JPH1: variants seen among roughly 807,000 people sequenced by gnomAD.
JPH1 encodes the protein junctophilin 1.
Under a neutral mutation model 53.6 loss-of-function variants are expected in JPH1, and 12 were observed. The observed-to-expected ratio is 0.22, with a 90% CI of 0.14 to 0.36. JPH1 has a LOEUF of 0.36. Ranked by LOEUF, JPH1 falls within the 10% of genes least tolerant of loss-of-function variation. The pLI is 1.00. For missense variants in JPH1, 808 were observed against 905.5 expected (o/e 0.89, Z 1.38); for synonymous variants, 375 against 363.8 (o/e 1.03, Z -0.35).
intron 3 of JPH1, among the ~76,000 whole-genome samples, chr8:74,247,692 A>G (rs1805896853): frequency 6.6e-6 from 1 of 152,188 alleles, no homozygotes; most frequent in African/African-American, 2.4e-5. Flanking sequence ...CACTTAGAAG[A>G]TGTAAGACCA....
chr8:74,268,129 G>A (rs759367833), intron 2 of JPH1, among the ~76,000 whole-genome samples: 6 of 151,976 alleles, frequency 3.9e-5, no homozygotes, highest in Non-Finnish European at 8.8e-5. Context: ...GGATGAGGAC[G>A]GATTTATATG....
intron 2 of JPH1, among the ~76,000 whole-genome samples, chr8:74,298,286 C>A (rs904228017): frequency 2.3e-4 from 35 of 152,322 alleles, no homozygotes; most frequent in African/African-American, 7.9e-4. Flanking sequence ...ATTGTACTCA[C>A]ATCCTTAGAA....
rs1365674124 is a variant in JPH1, at chr8:74,315,774, C to G, written c.380-154G>C. On this transcript the variant is annotated intron_variant, in intron 1 of 5. Coordinates refer to ENST00000342232, the MANE Select transcript of JPH1 (RefSeq NM_020647.4). This position sits in a 1 kb window ranked among gnomAD's most constrained non-coding sequence, Gnocchi z 6.3. The stretch of plus-strand genomic sequence containing the variant: ...GATACTTTGCATCCACTTGTGAATC[C>G]CCGCCCTGTAATTTTGGGTGTAAGG... 6.6e-6 allele frequency among the ~76,000 whole-genome samples: 1 copy of G among 152,200 alleles called. No homozygotes were observed. Among genetic ancestry groups the G allele is most frequent in the Non-Finnish European group, 1.5e-5 (1 of 68,038 alleles).
intron 2 of JPH1, among the ~76,000 whole-genome samples, chr8:74,296,626 T>G (rs1807530034): frequency 6.6e-6 from 1 of 152,220 alleles, no homozygotes; most frequent in Admixed American, 6.5e-5. Flanking sequence ...CAAAGCCTAT[T>G]TTAAATTCTT....
At chr8:74,294,673 T>C (rs555664957) in intron 2 of JPH1, among the ~76,000 whole-genome samples, 1 of 152,336 alleles carries the variant, frequency 6.6e-6, no homozygotes, top group East Asian at 1.9e-4. Flanking sequence ...TCCTGAAGGA[T>C]AGAGTCCGTA....
intron 2 of JPH1, 97 bp downstream of exon 2, chr8:74,314,764 G>T: frequency 7.4e-7 from 1 of 1,348,984 alleles, no homozygotes; most frequent in Non-Finnish European, 1.0e-6. Flanking sequence ...GTTGTAGAAA[G>T]CATTTAGCGA....
At chr8:74,257,237 C>T (rs1051217103) in intron 3 of JPH1, among the ~76,000 whole-genome samples, 7 of 152,200 alleles carry the variant, frequency 4.6e-5, no homozygotes, top group Non-Finnish European at 8.8e-5. Context: ...TCATTCCTGA[C>T]GGACAACTTG....
intron 2 of JPH1, among the ~76,000 whole-genome samples, chr8:74,300,312 A>G (rs1235164667): frequency 1.3e-5 from 2 of 152,246 alleles, no homozygotes; most frequent in African/African-American, 2.4e-5. Context: ...CTAATAAACA[A>G]ATACGGGACT....
At chr8:74,294,649 C>G (rs1177956864) in intron 2 of JPH1, among the ~76,000 whole-genome samples, 2 of 152,210 alleles carry the variant, frequency 1.3e-5, no homozygotes, top group Non-Finnish European at 2.9e-5. Flanking sequence ...TCATCTGTCT[C>G]TTGGTTATAA....
At chr8:74,284,149 C>G (rs1022960079) in intron 2 of JPH1, among the ~76,000 whole-genome samples, 14 of 152,318 alleles carry the variant, frequency 9.2e-5, no homozygotes, top group South Asian at 2.1e-4. Flanking sequence ...TAAACAAACT[C>G]TCTATTGACA....
intron 4 of JPH1, among the ~76,000 whole-genome samples, chr8:74,239,166 G>C (rs1805623384): frequency 6.6e-6 from 1 of 152,138 alleles, no homozygotes; most frequent in African/African-American, 2.4e-5. Flanking sequence ...ATGCTGGGCA[G>C]TGGGTTAAAC....
intron 2 of JPH1, among the ~76,000 whole-genome samples, chr8:74,285,139 A>C (rs1807125848): frequency 6.6e-6 from 1 of 151,804 alleles, no homozygotes; most frequent in Non-Finnish European, 1.5e-5. Flanking sequence ...TACTATTTCT[A>C]ACTGGAGATT....
At chr8:74,296,265 A>G (rs924634556) in intron 2 of JPH1, among the ~76,000 whole-genome samples, 3 of 152,200 alleles carry the variant, frequency 2.0e-5, no homozygotes, top group Non-Finnish European at 2.9e-5. Context: ...TAATAAGCAT[A>G]AAGTAAGCCA....
In JPH1 at chr8:74,315,259, T is replaced by A. The variant is rs544602174; in HGVS notation, c.741A>T (p.Arg247Ser). Residue 247 changes from arginine to serine, a missense_variant, in exon 2 of 6, where the codon AGA (arginine) becomes AGT (serine). Transcript: ENST00000342232. This position sits in a 1 kb window ranked among gnomAD's most constrained non-coding sequence, Gnocchi z 6.3. Reference protein sequence around the residue: ...SSVRSDAAMSRISSSDANSTI... With the variant: ...SSVRSDAAMSSISSSDANSTI... Reference sequence around the variant, plus strand: ...TGGAGTTGGCATCGCTGGAACTAATTCTGCTCATGGCCGCGTCGCTGCGGA... The same window carrying A: ...TGGAGTTGGCATCGCTGGAACTAATACTGCTCATGGCCGCGTCGCTGCGGA... 4 of 1,614,184 alleles carry A rather than the reference T, an allele frequency of 2.5e-6. No individual in the cohort carries two copies. The South Asian group carries it at 4.4e-5, about 18-fold the overall frequency.
At position 74,320,889 on chromosome 8, in the gene JPH1, C is replaced by A; in HGVS notation, c.379+20G>T. ...CGCACCAGCTCGCGGAGCAGCCGAGCCGCCCGTTACGCCGCTCACCTCCGT... is the reference window on the plus strand; with the variant it reads ...CGCACCAGCTCGCGGAGCAGCCGAGACGCCCGTTACGCCGCTCACCTCCGT... On this transcript the variant is annotated intron_variant, in intron 1 of 5. Coordinates refer to ENST00000342232, the MANE Select transcript of JPH1 (RefSeq NM_020647.4). The surrounding 1 kb of genome is among the most constrained non-coding windows in gnomAD (Gnocchi z 4.4). The A allele has an allele frequency of 6.7e-7, 1 of 1,496,222 alleles. No homozygotes were observed. The highest frequency in any genetic ancestry group is 8.9e-7 in the Non-Finnish European group (1 of 1,123,468). 92.7% of individuals were successfully genotyped at this position (1,496,222 alleles called of 1,614,324 possible). A position where few individuals can be genotyped will look rare whatever the true frequency, so the allele number is the denominator to read the frequency against.
At chr8:74,292,417 T>C (rs969660628) in intron 2 of JPH1, among the ~76,000 whole-genome samples, 2 of 152,244 alleles carry the variant, frequency 1.3e-5, no homozygotes, top group African/African-American at 4.8e-5. Flanking sequence ...TTCCATGAAC[T>C]GCCACTAATA....
At chr8:74,261,877 C>T (rs557107822) in intron 2 of JPH1, among the ~76,000 whole-genome samples, 3 of 152,288 alleles carry the variant, frequency 2.0e-5, no homozygotes, top group South Asian at 4.1e-4. Flanking sequence ...GATTCAATCA[C>T]GACACACCAC....
chr8:74,315,111 C>T lies in JPH1; in HGVS notation c.889G>A (p.Glu297Lys). The T allele has an allele frequency of 6.2e-6, 10 of 1,614,206 alleles. No homozygotes were observed. Among genetic ancestry groups the T allele is most frequent in the Non-Finnish European group, 8.5e-6 (10 of 1,180,034 alleles). The change falls in exon 2 of 6, where the codon GAG becomes AAG. Residue 297 changes from glutamate to lysine, a missense_variant. Glu to Lys is a moderately conservative substitution (Grantham distance 56, BLOSUM62 1). Around this residue, in one of 2 missense-constraint regions of JPH1, gnomAD observed 756 missense variants for 811.9 expected, o/e 0.93. Coordinates refer to ENST00000342232, the MANE Select transcript of JPH1 (RefSeq NM_020647.4). The surrounding 1 kb of genome is among the most constrained non-coding windows in gnomAD (Gnocchi z 6.3). ...NDKRNGFGVS[E>K]RSNGMKYEGE... ...TCATACTTCATGCCATTGGAGCGCT[C>T]GCTAACGCCGAAGCCGTTGCGCTTG...
In JPH1 at chr8:74,261,841, A is replaced by G. The variant is rs189403385; in HGVS notation, c.1140-2338T>C. Among the ~76,000 whole-genome samples the G allele has an allele frequency of 6.7e-4, 102 of 152,334 alleles. 1 individual carries two copies. The highest frequency in any genetic ancestry group is 7.8e-4 in the Non-Finnish European group (53 of 68,032). On this transcript the variant is annotated intron_variant, in intron 2 of 5. Coordinates refer to ENST00000342232, the MANE Select transcript of JPH1 (RefSeq NM_020647.4). Reference sequence around the variant, plus strand: ...TTAGCCCTTTAATGATAAATTTACAAAACTCAAGTACAAGTAACTTATTCG... The same window carrying G: ...TTAGCCCTTTAATGATAAATTTACAGAACTCAAGTACAAGTAACTTATTCG...
Sources: gnomAD v4.1 joint callset for allele counts (sites outside exome capture counted in the v4.1 genomes callset) on GRCh38, gnomAD v4.1.1 for gene constraint, gnomAD v4.1.1 regional missense constraint, Gnocchi (gnomAD v3.1) non-coding constraint, MANE v1.5 for transcripts, NCBI Gene and HGNC (gene_info 2026-07-23, HGNC 2026-07-21) for gene names.